OR9Q1: variants seen among roughly 807,000 people sequenced by gnomAD.
OR9Q1 encodes olfactory receptor family 9 subfamily Q member 1, also known as olfactory receptor 9Q1.
For synonymous variants in OR9Q1, 153 were observed against 148.6 expected (o/e 1.03, Z -0.22); for missense variants, 374 against 378.8 (o/e 0.99, Z 0.11).
chr11:58,153,553 A>C (rs1854374749), intron 2 of OR9Q1, among the ~76,000 whole-genome samples: 1 of 141,832 alleles, frequency 7.1e-6, no homozygotes, highest in Admixed American at 7.1e-5. Context: ...TGTTGCAAGA[A>C]ATCTTTTTTT....
intron 2 of OR9Q1, among the ~76,000 whole-genome samples, chr11:58,091,636 G>C (rs904669548): frequency 1.3e-5 from 2 of 152,154 alleles, no homozygotes; most frequent in African/African-American, 4.8e-5. Flanking sequence ...TTGGGGTGGA[G>C]AGTTCTGTAG....
At chr11:58,074,026 C>T (rs1293999217) in intron 2 of OR9Q1, among the ~76,000 whole-genome samples, 1 of 152,126 alleles carries the variant, frequency 6.6e-6, no homozygotes, top group African/African-American at 2.4e-5. Flanking sequence ...TGTATATGTG[C>T]CACATTTTCT....
chr11:58,181,008 A>C lies in OR9Q1; in HGVS notation c.*631A>C, dbSNP rs1382406624. On this transcript the variant is annotated 3_prime_UTR_variant, in exon 3 of 3. Coordinates refer to ENST00000335397, the MANE Select transcript of OR9Q1 (RefSeq NM_001005212.4). ...ATGGTCGTTTGATGATCCAATTAGC[A>C]AAGCTGACCCTACTCAAGGTATGCC... The C allele has an allele frequency of 2.3e-4, 38 of 167,066 alleles. No homozygotes were observed. The Admixed American group carries it at 2.5e-3, about 11-fold the overall frequency. 10.3% of individuals were successfully genotyped at this position (167,066 alleles called of 1,614,324 possible).
At chr11:58,053,467 A>C in intron 1 of OR9Q1, among the ~76,000 whole-genome samples, 1 of 115,358 alleles carries the variant, frequency 8.7e-6, no homozygotes, top group Non-Finnish European at 1.8e-5. Flanking sequence ...GGGAGGGGGG[A>C]GGGATAGCAT....
intron 2 of OR9Q1, among the ~76,000 whole-genome samples, chr11:58,085,068 C>G (rs1016535568): frequency 1.8e-4 from 28 of 151,786 alleles, no homozygotes; most frequent in Non-Finnish European, 1.5e-5. Flanking sequence ...AAAAATAAAA[C>G]AATGTAAGTC....
chr11:58,039,734 T>C (rs79856138), intron 1 of OR9Q1, among the ~76,000 whole-genome samples: 4 of 152,320 alleles, frequency 2.6e-5, no homozygotes, highest in Non-Finnish European at 4.4e-5. Flanking sequence ...TCCACTCAGG[T>C]TAGGTTGGTG....
intron 2 of OR9Q1, among the ~76,000 whole-genome samples, chr11:58,094,078 T>C (rs1349658933): frequency 6.6e-6 from 1 of 152,160 alleles, no homozygotes; most frequent in Non-Finnish European, 1.5e-5. Context: ...ACTAAAAATG[T>C]GGTATATATA....
chr11:58,129,678 G>A (rs1854122707), intron 2 of OR9Q1, among the ~76,000 whole-genome samples: 3 of 151,990 alleles, frequency 2.0e-5, no homozygotes, highest in African/African-American at 7.3e-5. Flanking sequence ...TTCTTTTCAT[G>A]CAGGTCTCAG....
At chr11:58,105,515 A>T (rs1374626885) in intron 2 of OR9Q1, among the ~76,000 whole-genome samples, 1 of 152,132 alleles carries the variant, frequency 6.6e-6, no homozygotes. Context: ...ATTACATGAG[A>T]TCTACCCTCT....
At chr11:58,086,418 G>A (rs1853634420) in intron 2 of OR9Q1, among the ~76,000 whole-genome samples, 1 of 151,770 alleles carries the variant, frequency 6.6e-6, no homozygotes, top group Admixed American at 6.6e-5. Flanking sequence ...TAACGTAAAT[G>A]AATACAGCCA....
At chr11:58,078,832 T>C (rs888299104) in intron 2 of OR9Q1, among the ~76,000 whole-genome samples, 2 of 152,192 alleles carry the variant, frequency 1.3e-5, no homozygotes, top group Non-Finnish European at 2.9e-5. Flanking sequence ...TGTTCCTGGT[T>C]AAAATCCACC....
intron 2 of OR9Q1, among the ~76,000 whole-genome samples, chr11:58,133,649 T>A (rs1854163758): frequency 6.6e-6 from 1 of 152,220 alleles, no homozygotes; most frequent in East Asian, 1.9e-4. Context: ...AAAGGTGAGA[T>A]CACATGGAAA....
At chr11:58,032,859 A>T (rs1853056648) in intron 1 of OR9Q1, among the ~76,000 whole-genome samples, 1 of 152,256 alleles carries the variant, frequency 6.6e-6, no homozygotes, top group South Asian at 2.1e-4. Flanking sequence ...CAAACTATGC[A>T]TCTGACAAAG....
chr11:58,116,695 T>C (rs1565080236), intron 2 of OR9Q1: 1 of 152,352 alleles, frequency 6.6e-6, no homozygotes, highest in East Asian at 1.9e-4. Context: ...CTCTTTTACA[T>C]GTTCAGCTTC....
At chr11:58,165,359 C>T (rs919807770) in intron 2 of OR9Q1, among the ~76,000 whole-genome samples, 4 of 152,174 alleles carry the variant, frequency 2.6e-5, no homozygotes, top group Admixed American at 6.5e-5. Context: ...TTTAATATTA[C>T]CTCCTGTGGC....
At chr11:58,108,457 A>C (rs1236047075) in intron 2 of OR9Q1, among the ~76,000 whole-genome samples, 2 of 152,160 alleles carry the variant, frequency 1.3e-5, no homozygotes, top group Non-Finnish European at 2.9e-5. Context: ...GTGATGCCAG[A>C]GAGTAGCCCT....
At chr11:58,055,800 T>TTAAAAAAAAAAA (rs773747411) in intron 1 of OR9Q1, 70 bp from the exon 2 acceptor site, 1 of 112,862 alleles carries the variant, frequency 8.9e-6, no homozygotes, top group Non-Finnish European at 1.8e-5. Flanking sequence ...ACTCTATCTC[T>TTAAAAAAAAAAA]AAAAAAAAAA....
chr11:58,139,824 C>G (rs201503438), intron 2 of OR9Q1, among the ~76,000 whole-genome samples: 61 of 151,470 alleles, frequency 4.0e-4, no homozygotes, highest in East Asian at 9.7e-4. Context: ...GGGTCAAATG[C>G]TATTTCTAGT....
intron 2 of OR9Q1, among the ~76,000 whole-genome samples, chr11:58,161,828 G>A (rs972432047): frequency 2.0e-5 from 3 of 152,118 alleles, no homozygotes; most frequent in East Asian, 1.9e-4. Flanking sequence ...CACCGCACCC[G>A]GCCCTCTGGT....
Sources: allele counts gnomAD v4.1 joint callset (sites outside exome capture counted in the v4.1 genomes callset), GRCh38; gene constraint gnomAD v4.1.1; transcripts MANE v1.5; gene names NCBI Gene and HGNC (gene_info 2026-07-23, HGNC 2026-07-21).